The following CDKL2 variants were observed in gnomAD, a reference collection of about 807,000 sequenced individuals.
CDKL2 encodes the protein cyclin dependent kinase like 2, also known as cyclin-dependent kinase-like 2.
CDKL2 carries 64 observed loss-of-function variants against 63.9 expected under a neutral mutation model. That is an observed-to-expected ratio of 1.00 (90% CI 0.82 to 1.23). The LOEUF (loss-of-function observed/expected upper bound fraction) is 1.23. Among genes scored for constraint, CDKL2 ranks in the 50% most tolerant of loss-of-function variants. The pLI, the probability that CDKL2 is intolerant of heterozygous loss-of-function variation, is 0.00. For missense variants in CDKL2, 656 were observed against 668.0 expected (o/e 0.98, Z 0.20); for synonymous variants, 211 against 229.2 (o/e 0.92, Z 0.72).
intron 12 of CDKL2, among the ~76,000 whole-genome samples, chr4:75,588,975 T>C (rs1728588962): frequency 6.6e-6 from 1 of 151,964 alleles, no homozygotes; most frequent in African/African-American, 2.4e-5. Context: ...CTGGACTAAT[T>C]TGAACATCAA....
intron 7 of CDKL2, among the ~76,000 whole-genome samples, chr4:75,598,684 C>A (rs1560580041): frequency 6.6e-6 from 1 of 151,722 alleles, no homozygotes; most frequent in African/African-American, 2.4e-5. Flanking sequence ...TAAACGCATC[C>A]TTTTTTTATG....
At chr4:75,598,623 T>C (rs933300591) in intron 7 of CDKL2, among the ~76,000 whole-genome samples, 13 of 150,570 alleles carry the variant, frequency 8.6e-5, no homozygotes, top group African/African-American at 2.7e-4. Flanking sequence ...TGCTTAAGAA[T>C]GTCTCTGATG....
In CDKL2 at chr4:75,597,017, G is replaced by A; in HGVS notation, c.1240C>T (p.Pro414Ser). ...HTRNPSVAIP[P>S]LTHNLSAVAP... ...ACTGCAGAAAGATTGTGTGTAAGTG[G>A]GGGAATTGCCACGCTTGGATTCCTT... The change falls in exon 9 of 14, where the codon CCA becomes TCA. Residue 414 changes from proline (P) to serine (S), a missense_variant. Transcript: ENST00000307465. 2 of 1,614,188 alleles carry A rather than the reference G, an allele frequency of 1.2e-6. No individual in the cohort carries two copies. Among genetic ancestry groups the A allele is most frequent in the South Asian group, 2.2e-5 (2 of 91,080 alleles).
Position 75,628,681 on chromosome 4 carries a change from G to A in CDKL2, c.-30+1361C>T, listed in dbSNP as rs117248458. ...CCTGTTGTATTAATTGTATACTTAC[G>A]GCAATCTAAAATTTACTCAGATCGT... On this transcript the variant is annotated intron_variant, in intron 1 of 13. Transcript: ENST00000307465. Among the ~76,000 whole-genome samples the A allele has an allele frequency of 1.4e-4, 22 of 152,026 alleles. No homozygotes were observed. The East Asian group carries it at 3.7e-3, about 25-fold the overall frequency.
At chr4:75,608,949 G>A (rs1242449777) in intron 3 of CDKL2, among the ~76,000 whole-genome samples, 8 of 148,664 alleles carry the variant, frequency 5.4e-5, no homozygotes, top group Non-Finnish European at 1.2e-4. Flanking sequence ...AGCCAAGATC[G>A]CACCACTGTA....
Position 75,603,747 on chromosome 4 carries a change from A to C in CDKL2, c.795+70T>G. ...AAAAAAAGATCAACTAGACAAGTAA[A>C]AAAAAAAAAAAAAGGTCTTGATAGT... On this transcript the variant is annotated intron_variant, in intron 6 of 13. Transcript: ENST00000307465. 3.3e-6 allele frequency: 3 copies of C among 911,446 alleles called. No individual in the cohort carries two copies. The South Asian group carries it at 6.9e-5, about 21-fold the overall frequency. 56.5% of individuals were successfully genotyped at this position (911,446 alleles called of 1,614,324 possible). A position where few individuals can be genotyped will look rare whatever the true frequency, so the allele number is the denominator to read the frequency against.
chr4:75,607,917 A>G (rs900420442), intron 3 of CDKL2, among the ~76,000 whole-genome samples: 1 of 151,852 alleles, frequency 6.6e-6, no homozygotes, highest in African/African-American at 2.4e-5. Context: ...GGTTCACGCC[A>G]TTCTCCTGCC....
At chr4:75,601,445 C>T (rs1358890620) in intron 6 of CDKL2, among the ~76,000 whole-genome samples, 4 of 152,106 alleles carry the variant, frequency 2.6e-5, no homozygotes, top group African/African-American at 4.8e-5. Context: ...AATTTCTCTG[C>T]ATAACTGTGC....
rs369472215 is a variant in CDKL2 at position 75,605,679 on chromosome 4, C to T, written c.543-45G>A. 5.6e-6 allele frequency: 7 copies of T among 1,257,834 alleles called. No individual in the cohort carries two copies. The African/African-American group carries it at 7.4e-5, about 13-fold the overall frequency. The allele number at this position is 1,257,834 out of a possible 1,614,324, so 77.9% of individuals were successfully genotyped here. On this transcript the variant is annotated intron_variant, in intron 4 of 13. Coordinates refer to ENST00000307465, the MANE Select transcript of CDKL2 (RefSeq NM_001330724.2). ...GTGTAAAATCTGGCATCCTAATATG[C>T]TCCAAAACCCAAAGCTTTTTGAGCA...
chr4:75,604,224 G>A (rs1028223575), intron 5 of CDKL2, among the ~76,000 whole-genome samples: 1 of 152,192 alleles, frequency 6.6e-6, no homozygotes, highest in African/African-American at 2.4e-5. Context: ...AGCATAAAGT[G>A]CTGAATAAAA....
At chr4:75,626,449 A>G (rs541469211) in intron 1 of CDKL2, among the ~76,000 whole-genome samples, 9 of 152,014 alleles carry the variant, frequency 5.9e-5, no homozygotes, top group Admixed American at 3.3e-4. Context: ...GGCGGATCAC[A>G]AGGTCGGGAG....
chr4:75,583,469 TCTC>T (rs1449341344), intron 12 of CDKL2, among the ~76,000 whole-genome samples: 1 of 152,186 alleles, frequency 6.6e-6, no homozygotes, highest in Non-Finnish European at 1.5e-5. Flanking sequence ...GCCTTCCCCA[TCTC>T]CTCCAAATCT....
At chr4:75,603,700 G>T in intron 6 of CDKL2, 117 bp downstream of exon 6, 1 of 722,782 alleles carries the variant, frequency 1.4e-6, no homozygotes, top group Non-Finnish European at 2.1e-6. Context: ...GTGTGACAGA[G>T]CAAGACTCCA....
chr4:75,615,396 A>G (rs1279769597), intron 2 of CDKL2, among the ~76,000 whole-genome samples: 1 of 152,234 alleles, frequency 6.6e-6, no homozygotes, highest in Non-Finnish European at 1.5e-5. Context: ...CATAAATGGT[A>G]GATTAACACT....
At chr4:75,581,069 C>CT (rs2148854289) in intron 13 of CDKL2, among the ~76,000 whole-genome samples, 1 of 152,242 alleles carries the variant, frequency 6.6e-6, no homozygotes, top group Admixed American at 6.5e-5. Flanking sequence ...ACTGATCTCT[C>CT]TTTATTGGGA....
intron 7 of CDKL2, 135 bp downstream of exon 7, chr4:75,600,146 G>C: frequency 1.7e-6 from 1 of 579,288 alleles, no homozygotes; most frequent in East Asian, 2.9e-5. Context: ...AAGGGAATAT[G>C]GGGGTAGAGT....
chr4:75,599,735 A>C (rs913905613), intron 7 of CDKL2, among the ~76,000 whole-genome samples: 7 of 152,100 alleles, frequency 4.6e-5, no homozygotes, highest in African/African-American at 1.7e-4. Flanking sequence ...AAACCTAGCT[A>C]CCTTTTATTA....
rs1365477207 is a variant in CDKL2, at chr4:75,596,232, G to C, written c.1416+15C>G. The C allele has an allele frequency of 5.4e-6, 8 of 1,471,090 alleles. No homozygotes were observed. The highest frequency in any genetic ancestry group is 1.7e-4 in the Middle Eastern group (1 of 5,800). The allele number at this position is 1,471,090 out of a possible 1,614,324, so 91.1% of individuals were successfully genotyped here. ...CTGGTGTTTGCTCTTCTACTACTGA[G>C]AACTGCTTACTTACTAATGTGGTCA... is the stretch of plus-strand genomic sequence containing the variant. On this transcript the variant is annotated intron_variant, in intron 10 of 13. Coordinates refer to ENST00000307465, the MANE Select transcript of CDKL2 (RefSeq NM_001330724.2).
chr4:75,602,422 C>T (rs527971851), intron 6 of CDKL2, among the ~76,000 whole-genome samples: 1 of 152,188 alleles, frequency 6.6e-6, no homozygotes, highest in South Asian at 2.1e-4. Context: ...TCATGATCCA[C>T]GTGCCTCGGC....
Sources: gnomAD v4.1 joint callset for allele counts (sites outside exome capture counted in the v4.1 genomes callset) on GRCh38, gnomAD v4.1.1 for gene constraint, MANE v1.5 for transcripts, NCBI Gene and HGNC (gene_info 2026-07-23, HGNC 2026-07-21) for gene names.